Variants in CNTN4 observed in about 807,000 individuals in gnomAD.
The protein encoded by CNTN4 is contactin 4.
CNTN4 carries 77 observed loss-of-function variants against 122.5 expected under a neutral mutation model. The ratio of observed to expected loss-of-function variants is 0.63; its 90% CI spans 0.52 to 0.76. The LOEUF is 0.76. Among genes scored for constraint, CNTN4 ranks in the 30% least tolerant of loss-of-function variants. The pLI is 0.00. For missense variants in CNTN4, 1,256 were observed against 1,259.1 expected (o/e 1.00, Z 0.04); for synonymous variants, 512 against 447.0 (o/e 1.15, Z -1.83).
At chr3:2,176,594 G>A (rs1383122438) in intron 2 of CNTN4, among the ~76,000 whole-genome samples, 1 of 152,102 alleles carries the variant, frequency 6.6e-6, no homozygotes. Flanking sequence ...CCAACATAAT[G>A]GAGGATGTTT....
intron 2 of CNTN4, among the ~76,000 whole-genome samples, chr3:2,222,001 A>G (rs2039079277): frequency 6.6e-6 from 1 of 152,198 alleles, no homozygotes; most frequent in African/African-American, 2.4e-5. Context: ...CAATTCCTCA[A>G]AATGCTAAAA....
Position 2,806,345 on chromosome 3 carries a change from G to C in CNTN4, c.359-13141G>C, listed in dbSNP as rs1194818743. 2.6e-5 allele frequency among the ~76,000 whole-genome samples: 4 copies of C among 152,212 alleles called. No individual in the cohort carries two copies. In the East Asian group the frequency reaches 7.7e-4, roughly 29 times the overall value. On this transcript the variant is annotated intron_variant, in intron 6 of 24. Coordinates refer to ENST00000418658, the MANE Select transcript of CNTN4 (RefSeq NM_175607.3). ...TAAACGTCTTGAGATCAGGGACCAT[G>C]TTGGATTCATCTTCACATTCCTCAC...
Position 2,664,838 on chromosome 3 carries a change from C to T in CNTN4, c.56-71377C>T, listed in dbSNP as rs142098978. Among the ~76,000 whole-genome samples, 317 of 152,216 alleles carry T rather than the reference C, an allele frequency of 2.1e-3. 4 individuals carry two copies. Among genetic ancestry groups the T allele is most frequent in the African/African-American group, 7.5e-3 (311 of 41,544 alleles). Reference sequence around the variant, plus strand: ...TTTCTTGCTTTAAAGTAATAGAATGCGATGAGTGAAACCAACTTTCTTTGG... The same window carrying T: ...TTTCTTGCTTTAAAGTAATAGAATGTGATGAGTGAAACCAACTTTCTTTGG... On this transcript the variant is annotated intron_variant, in intron 4 of 24. Coordinates refer to ENST00000418658, the MANE Select transcript of CNTN4 (RefSeq NM_175607.3).
In CNTN4 at chr3:2,786,214, A is replaced by G. The variant is rs73807940; in HGVS notation, c.359-33272A>G. Among the ~76,000 whole-genome samples, 1,209 of 152,144 alleles carry G rather than the reference A, an allele frequency of 7.9e-3. 18 individuals carry two copies. The highest frequency in any genetic ancestry group is 0.027 in the African/African-American group (1,115 of 41,508). ...GTTTGTATGACCTCATTCCTCCTGGATGCTGGACAAGGACCTGAGTGCAGG... is the reference window on the plus strand; with the variant it reads ...GTTTGTATGACCTCATTCCTCCTGGGTGCTGGACAAGGACCTGAGTGCAGG... On this transcript the variant is annotated intron_variant, in intron 6 of 24. Transcript: ENST00000418658.
intron 3 of CNTN4, among the ~76,000 whole-genome samples, chr3:2,462,947 A>G (rs915813799): frequency 2.0e-5 from 3 of 152,174 alleles, no homozygotes; most frequent in African/African-American, 7.2e-5. Context: ...CTGTCTTTGA[A>G]CTTGGTATGT....
At chr3:2,832,739 T>A (rs2093131057) in intron 7 of CNTN4, among the ~76,000 whole-genome samples, 4 of 152,154 alleles carry the variant, frequency 2.6e-5, no homozygotes, top group Admixed American at 6.5e-5. Context: ...AAATCAATGA[T>A]AGCCAGACAC....
intron 3 of CNTN4, among the ~76,000 whole-genome samples, chr3:2,468,415 C>T (rs780298893): frequency 5.3e-5 from 8 of 152,012 alleles, no homozygotes; most frequent in Admixed American, 6.6e-5. Flanking sequence ...AGAAAAGATA[C>T]CATCAAGCAT....
At chr3:2,735,761 T>C (rs1029816332) in intron 4 of CNTN4, 5 of 342,344 alleles carry the variant, frequency 1.5e-5, no homozygotes, top group Non-Finnish European at 2.9e-5. Flanking sequence ...TTACTCATTA[T>C]TGACTTATTT....
At chr3:2,409,207 T>G (rs1022558995) in intron 3 of CNTN4, among the ~76,000 whole-genome samples, 2 of 151,892 alleles carry the variant, frequency 1.3e-5, no homozygotes, top group Non-Finnish European at 2.9e-5. Flanking sequence ...CGTTTGTTAC[T>G]TTTTTTAAAG....
intron 4 of CNTN4, among the ~76,000 whole-genome samples, chr3:2,668,522 A>G (rs1009549198): frequency 2.0e-5 from 3 of 152,216 alleles, no homozygotes; most frequent in African/African-American, 7.2e-5. Flanking sequence ...TAGATATACA[A>G]TCAGGTCATC....
intron 2 of CNTN4, among the ~76,000 whole-genome samples, chr3:2,313,587 T>G (rs1004994923): frequency 6.6e-6 from 1 of 151,994 alleles, no homozygotes; most frequent in Non-Finnish European, 1.5e-5. Context: ...TCAGAATAAA[T>G]ATCAGGGCCG....
At chr3:2,710,823 G>T (rs1043461272) in intron 4 of CNTN4, among the ~76,000 whole-genome samples, 11 of 152,112 alleles carry the variant, frequency 7.2e-5, no homozygotes. Context: ...TTGAACCTTT[G>T]CTTGTGGCAA....
chr3:2,105,247 T>C (rs2032336231), intron 2 of CNTN4, among the ~76,000 whole-genome samples: 1 of 152,160 alleles, frequency 6.6e-6, no homozygotes, highest in Non-Finnish European at 1.5e-5. Context: ...CACCACATAC[T>C]ACTTGAGAAT....
At chr3:2,884,342 G>C (rs541450786) in intron 9 of CNTN4, among the ~76,000 whole-genome samples, 1 of 151,860 alleles carries the variant, frequency 6.6e-6, no homozygotes, top group Non-Finnish European at 1.5e-5. Flanking sequence ...TTTTATTGTC[G>C]GTTCTAATAG....
At chr3:2,629,131 A>T (rs2082317995) in intron 4 of CNTN4, among the ~76,000 whole-genome samples, 2 of 152,186 alleles carry the variant, frequency 1.3e-5, no homozygotes, top group African/African-American at 4.8e-5. Context: ...CTATGAGGTC[A>T]TAAGGGTGTG....
intron 3 of CNTN4, among the ~76,000 whole-genome samples, chr3:2,536,454 T>C (rs928236736): frequency 1.3e-5 from 2 of 152,126 alleles, no homozygotes; most frequent in African/African-American, 4.8e-5. Flanking sequence ...GACCTGAAAG[T>C]CATTGCCCTA....
At chr3:2,485,957 G>A (rs907787413) in intron 3 of CNTN4, among the ~76,000 whole-genome samples, 6 of 152,140 alleles carry the variant, frequency 3.9e-5, no homozygotes, top group African/African-American at 1.4e-4. Flanking sequence ...CCGCGCAGGT[G>A]CCCTTCCACA....
intron 12 of CNTN4, among the ~76,000 whole-genome samples, chr3:2,911,410 A>G (rs1399885433): frequency 6.6e-6 from 1 of 152,216 alleles, no homozygotes; most frequent in African/African-American, 2.4e-5. Context: ...TCATCAGAAA[A>G]GGCTTGAGAG....
At position 2,287,678 on chromosome 3, in the gene CNTN4, A is replaced by G. The variant is rs193155660; in HGVS notation, c.-144-51500A>G. Among the ~76,000 whole-genome samples, 48 of 80,498 alleles carry G rather than the reference A, an allele frequency of 6.0e-4. 1 individual carries two copies. Among genetic ancestry groups the G allele is most frequent in the South Asian group, 9.5e-4 (2 of 2,096 alleles). 52.8% of individuals were successfully genotyped at this position (80,498 alleles called of 152,430 possible). On this transcript the variant is annotated intron_variant, in intron 2 of 24. Transcript: ENST00000418658. ...AAGAAGAAGAAGAAGAAGAAGAAGA[A>G]GAAGAAGAAGAAGAGGAAGAAGAAG...
Sources: gnomAD v4.1 joint callset for allele counts (sites outside exome capture counted in the v4.1 genomes callset) on GRCh38, gnomAD v4.1.1 for gene constraint, MANE v1.5 for transcripts, NCBI Gene and HGNC (gene_info 2026-07-23, HGNC 2026-07-21) for gene names.